The following TRAF3 variants were observed in gnomAD, a reference collection of about 807,000 sequenced individuals.
TRAF3 encodes TNF receptor associated factor 3.
In TRAF3, 13 loss-of-function variants were observed where a neutral mutation model predicts 62.3. That is an observed-to-expected ratio of 0.21 (90% CI 0.14 to 0.33). TRAF3 has a LOEUF of 0.33. Ranked by LOEUF, TRAF3 falls within the 10% of genes least tolerant of loss-of-function variation. TRAF3 has a pLI of 1.00. For missense variants in TRAF3, 440 were observed against 741.8 expected (o/e 0.59, Z 4.73); for synonymous variants, 269 against 283.4 (o/e 0.95, Z 0.51).
At chr14:102,811,776 C>T (rs1315769259) in intron 1 of TRAF3, among the ~76,000 whole-genome samples, 2 of 149,698 alleles carry the variant, frequency 1.3e-5, no homozygotes, top group Non-Finnish European at 3.0e-5. Flanking sequence ...TACAGACTGT[C>T]TCACTCTGCC....
Position 102,886,236 on chromosome 14 carries a change from C to T in TRAF3, c.618C>T (p.His206=), listed in dbSNP as rs777550788. ...DCPCVVVSCP[H]KCSVQTLLRS... ...CCTGCGTGGTGGTGTCCTGCCCTCA[C>T]AAGTGCAGCGTCCAGACTCTCCTGA... is the stretch of plus-strand genomic sequence containing the variant. The change falls in exon 7 of 12, where the codon CAC becomes CAT. Residue 206 remains histidine, a synonymous_variant. Coordinates refer to ENST00000392745, the MANE Select transcript of TRAF3 (RefSeq NM_145725.3). The T allele has an allele frequency of 7.4e-6, 12 of 1,612,606 alleles. No homozygotes were observed. The highest frequency in any genetic ancestry group is 1.0e-5 in the Non-Finnish European group (12 of 1,179,632).
At chr14:102,866,017 T>G (rs1425597118) in intron 2 of TRAF3, 2 of 152,182 alleles carry the variant, frequency 1.3e-5, no homozygotes, top group Non-Finnish European at 2.9e-5. Flanking sequence ...AGCAAAGACT[T>G]GGAACCAACC....
chr14:102,796,657 C>T (rs1898106157), intron 1 of TRAF3, among the ~76,000 whole-genome samples: 1 of 152,126 alleles, frequency 6.6e-6, no homozygotes, highest in African/African-American at 2.4e-5. Context: ...AGAGTTTTTC[C>T]CCAAACAGCC....
chr14:102,853,498 C>T (rs57613851), intron 2 of TRAF3, among the ~76,000 whole-genome samples: 58,108 of 151,938 alleles, frequency 0.38, 14,131 homozygotes, highest in African/African-American at 0.68. Context: ...AAATTCACCA[C>T]TTAAACCACT....
At chr14:102,838,837 A>G (rs890320324) in intron 2 of TRAF3, among the ~76,000 whole-genome samples, 2 of 152,146 alleles carry the variant, frequency 1.3e-5, no homozygotes, top group African/African-American at 2.4e-5. Context: ...TCTGATTGTT[A>G]CATTGAATTC....
At chr14:102,846,473 T>A (rs1453640026) in intron 2 of TRAF3, among the ~76,000 whole-genome samples, 1 of 151,952 alleles carries the variant, frequency 6.6e-6, no homozygotes, top group Non-Finnish European at 1.5e-5. Flanking sequence ...GCTGCACACC[T>A]AGGTGATAAA....
chr14:102,877,716 C>G (rs576714761), intron 6 of TRAF3, among the ~76,000 whole-genome samples: 15 of 149,762 alleles, frequency 1.0e-4, no homozygotes, highest in African/African-American at 3.7e-4. Flanking sequence ...CATAGGTAAT[C>G]CCTTCCACAG....
chr14:102,850,811 T>G (rs2139727719), intron 2 of TRAF3, among the ~76,000 whole-genome samples: 1 of 152,268 alleles, frequency 6.6e-6, no homozygotes, highest in Middle Eastern at 3.4e-3. Flanking sequence ...CATTTTTTAG[T>G]CACACAATTC....
chr14:102,885,105 G>A (rs565320621), intron 6 of TRAF3, among the ~76,000 whole-genome samples: 2 of 152,198 alleles, frequency 1.3e-5, no homozygotes, highest in East Asian at 1.9e-4. Flanking sequence ...CTATTCTGCC[G>A]CAAAACCACT....
intron 1 of TRAF3, among the ~76,000 whole-genome samples, chr14:102,784,863 G>T (rs1415127328): frequency 1.3e-5 from 2 of 152,142 alleles, no homozygotes; most frequent in African/African-American, 2.4e-5. Context: ...GCCTGGGCTG[G>T]CAGGGAGTCG....
chr14:102,892,067 T>TTC (rs1889752182), intron 9 of TRAF3, among the ~76,000 whole-genome samples: 3 of 150,796 alleles, frequency 2.0e-5, no homozygotes, highest in Admixed American at 1.3e-4. Flanking sequence ...TTTTTTTTTT[T>TTC]TCCCCAAGAC....
chr14:102,822,923 T>C (rs1286079621), intron 1 of TRAF3, among the ~76,000 whole-genome samples: 4 of 152,020 alleles, frequency 2.6e-5, no homozygotes, highest in African/African-American at 9.7e-5. Flanking sequence ...GGAGAGTTGC[T>C]TGAACCCGGG....
intron 6 of TRAF3, among the ~76,000 whole-genome samples, chr14:102,884,577 A>G (rs961928381): frequency 3.3e-5 from 5 of 152,138 alleles, no homozygotes; most frequent in Admixed American, 6.5e-5. Flanking sequence ...TGGGAGGCCG[A>G]GGCAGGTGGA....
At position 102,909,202 on chromosome 14, in the gene TRAF3, C is replaced by T. The variant is rs954705680; in HGVS notation, c.*3418C>T. 3 of 152,304 alleles carry T rather than the reference C, an allele frequency of 2.0e-5. No homozygotes were observed. Among genetic ancestry groups the T allele is most frequent in the Non-Finnish European group, 2.9e-5 (2 of 68,118 alleles). The allele number at this position is 152,304 out of a possible 1,614,324, so 9.4% of individuals were successfully genotyped here. A position where few individuals can be genotyped will look rare whatever the true frequency, so the allele number is the denominator to read the frequency against. ...CTTTCAGCTCGCCGTGCTCTGGTGA[C>T]ACACAGGCGGCCAGGTTGGGATTTG... On this transcript the variant is annotated 3_prime_UTR_variant, in exon 12 of 12. Coordinates refer to ENST00000392745, the MANE Select transcript of TRAF3 (RefSeq NM_145725.3).
intron 1 of TRAF3, among the ~76,000 whole-genome samples, chr14:102,794,002 A>G (rs1897940351): frequency 6.6e-6 from 1 of 152,036 alleles, no homozygotes; most frequent in African/African-American, 2.4e-5. Flanking sequence ...CCGTACACAC[A>G]TGCTTGGATG....
At chr14:102,798,649 A>T (rs115252629) in intron 1 of TRAF3, among the ~76,000 whole-genome samples, 1,655 of 151,992 alleles carry the variant, frequency 0.011, 22 homozygotes, top group African/African-American at 0.031. Context: ...CAAAAACAAA[A>T]TTTTTTTTGT....
chr14:102,879,359 T>C (rs1888909767), intron 6 of TRAF3, among the ~76,000 whole-genome samples: 1 of 152,116 alleles, frequency 6.6e-6, no homozygotes, highest in South Asian at 2.1e-4. Flanking sequence ...TGCAGCCTCT[T>C]TCTCCCAGGT....
At chr14:102,796,938 C>T (rs1052638210) in intron 1 of TRAF3, among the ~76,000 whole-genome samples, 4 of 152,342 alleles carry the variant, frequency 2.6e-5, no homozygotes, top group East Asian at 3.9e-4. Context: ...TTAGGCACTA[C>T]GTACTTTCTC....
chr14:102,874,695 G>T (rs370719356), intron 4 of TRAF3, among the ~76,000 whole-genome samples: 1 of 150,194 alleles, frequency 6.7e-6, no homozygotes, highest in East Asian at 1.9e-4. Flanking sequence ...CTGTCGCCCA[G>T]TCTGGAGTGC....
Sources: gnomAD v4.1 joint callset for allele counts (sites outside exome capture counted in the v4.1 genomes callset) on GRCh38, gnomAD v4.1.1 for gene constraint, MANE v1.5 for transcripts, NCBI Gene and HGNC (gene_info 2026-07-23, HGNC 2026-07-21) for gene names.